Variants in NR2C1 observed in about 807,000 individuals in gnomAD.
The protein encoded by NR2C1 is nuclear receptor subfamily 2 group C member 1.
In NR2C1, 33 loss-of-function variants were observed where a neutral mutation model predicts 74.8. The observed-to-expected ratio is 0.44, with a 90% CI of 0.33 to 0.59. The LOEUF (loss-of-function observed/expected upper bound fraction) is 0.59, where lower values mean the gene tolerates loss of function less well. Among genes scored for constraint, NR2C1 ranks in the 20% least tolerant of loss-of-function variants. NR2C1 has a pLI of 0.02. For synonymous variants in NR2C1, 225 were observed against 240.6 expected (o/e 0.94, Z 0.60); for missense variants, 568 against 715.6 (o/e 0.79, Z 2.35).
At chr12:95,071,342 A>G (rs1876574215) in intron 1 of NR2C1, among the ~76,000 whole-genome samples, 1 of 152,216 alleles carries the variant, frequency 6.6e-6, no homozygotes, top group Non-Finnish European at 1.5e-5. Flanking sequence ...TGTCTGTAAA[A>G]TTTTATCTAA....
intron 1 of NR2C1, among the ~76,000 whole-genome samples, chr12:95,070,142 G>GT (rs753155630): frequency 2.1e-5 from 3 of 142,794 alleles, no homozygotes; most frequent in Non-Finnish European, 4.8e-5. Flanking sequence ...TTTGTTTTTT[G>GT]TTTTTTTGAG....
chr12:95,054,184 T>C (rs572221946), intron 7 of NR2C1, among the ~76,000 whole-genome samples: 2 of 152,340 alleles, frequency 1.3e-5, no homozygotes, highest in East Asian at 3.9e-4. Context: ...TACCTATATA[T>C]GCATTTTATT....
At position 95,049,174 on chromosome 12, in the gene NR2C1, G is replaced by A. The variant is rs1307556242; in HGVS notation, c.1025C>T (p.Ser342Leu). 1 of 1,613,934 alleles carries A rather than the reference G, an allele frequency of 6.2e-7. No homozygotes were observed. Among genetic ancestry groups the A allele is most frequent in the African/African-American group, 1.3e-5 (1 of 74,888 alleles). The part of the protein sequence containing the change: ...NPGESTACQS[S>L]VAGMEGSVHL... ...TACACTTCCTTCCATGCCCGCTACT[G>A]AGCTCTGGCAGGCTGTGCTCTCTCC... Residue 342 changes from serine (S) to leucine (L), a missense_variant, in exon 9 of 14, where the codon TCA becomes TTA. Transcript: ENST00000333003.
At chr12:95,029,231 G>A (rs1869748371) in intron 11 of NR2C1, among the ~76,000 whole-genome samples, 1 of 151,784 alleles carries the variant, frequency 6.6e-6, no homozygotes, top group Non-Finnish European at 1.5e-5. Flanking sequence ...ACAGGTAAGC[G>A]CCACCATGAA....
intron 9 of NR2C1, among the ~76,000 whole-genome samples, chr12:95,044,369 G>A (rs1188836539): frequency 9.2e-5 from 14 of 151,646 alleles, no homozygotes; most frequent in African/African-American, 1.5e-4. Flanking sequence ...CCGGGTTCAA[G>A]CAATTCTCCT....
intron 9 of NR2C1, among the ~76,000 whole-genome samples, chr12:95,041,607 T>C (rs752942146): frequency 8.5e-5 from 13 of 152,200 alleles, no homozygotes; most frequent in Non-Finnish European, 1.6e-4. Context: ...TCTAGTTCTT[T>C]AAAATGTCTG....
chr12:95,071,850 G>T (rs984922861), intron 1 of NR2C1, among the ~76,000 whole-genome samples: 1 of 151,210 alleles, frequency 6.6e-6, no homozygotes, highest in Non-Finnish European at 1.5e-5. Context: ...CCGGGTTCAA[G>T]CAATTCTCCT....
chr12:95,045,372 G>C (rs554186992), intron 9 of NR2C1, among the ~76,000 whole-genome samples: 14 of 152,158 alleles, frequency 9.2e-5, no homozygotes, highest in Non-Finnish European at 1.9e-4. Flanking sequence ...ACTGAAGGCT[G>C]GGCAGAGTGA....
intron 2 of NR2C1, chr12:95,067,060 A>C (rs2136202058): frequency 2.0e-6 from 1 of 488,022 alleles, no homozygotes; most frequent in Non-Finnish European, 3.6e-6. Flanking sequence ...TACTCACTCT[A>C]CAGCTCTTTA....
intron 1 of NR2C1, among the ~76,000 whole-genome samples, chr12:95,069,397 A>G (rs1876234642): frequency 6.6e-6 from 1 of 152,204 alleles, no homozygotes; most frequent in Non-Finnish European, 1.5e-5. Flanking sequence ...ATAACACTGT[A>G]TTTTTACTAC....
intron 9 of NR2C1, among the ~76,000 whole-genome samples, chr12:95,047,113 T>C (rs909051608): frequency 6.6e-6 from 1 of 152,240 alleles, no homozygotes; most frequent in Admixed American, 6.5e-5. Flanking sequence ...AGCACTCTGG[T>C]CCTTTTCCCT....
intron 9 of NR2C1, among the ~76,000 whole-genome samples, chr12:95,045,422 A>G (rs1160597879): frequency 1.3e-5 from 2 of 152,168 alleles, no homozygotes; most frequent in Admixed American, 1.3e-4. Context: ...TGGTACCAGC[A>G]CACAGGACAA....
At chr12:95,058,158 A>G (rs930009023) in intron 5 of NR2C1, 152 bp downstream of exon 5, 8 of 686,782 alleles carry the variant, frequency 1.2e-5, no homozygotes, top group African/African-American at 1.1e-4. Flanking sequence ...AATAAATAAA[A>G]AAGTACATAC....
chr12:95,070,304 G>A (rs917828514), intron 1 of NR2C1, among the ~76,000 whole-genome samples: 1 of 151,902 alleles, frequency 6.6e-6, no homozygotes, highest in African/African-American at 2.4e-5. Flanking sequence ...GGTACTTTTT[G>A]TATTTTTAGT....
intron 10 of NR2C1, among the ~76,000 whole-genome samples, chr12:95,037,482 ACT>A (rs1870990282): frequency 6.6e-6 from 1 of 152,266 alleles, no homozygotes; most frequent in African/African-American, 2.4e-5. Flanking sequence ...TATTTAAGTT[ACT>A]GTTCCCTTCA....
intron 11 of NR2C1, among the ~76,000 whole-genome samples, chr12:95,031,066 C>T (rs747737246): frequency 6.6e-6 from 1 of 152,146 alleles, no homozygotes; most frequent in Non-Finnish European, 1.5e-5. Context: ...TACATAAGCT[C>T]ACCCTGGATT....
Position 95,049,109 on chromosome 12 carries a change from T to A in NR2C1, c.1090A>T (p.Lys364Ter). ...GAATCGCTGAGAAGTGGCCCCTCTT[T>A]TTCGGTGTAATTTATGCTTGAATCT... Reference protein sequence around the residue: ...TGDSSINYTEKEGPLLSDSHV... With the variant: ...TGDSSINYTE Residue 364 changes from lysine (K) to a stop codon, truncating the protein, a stop_gained, in exon 9 of 14, where the codon AAA (lysine) becomes TAA (stop). Transcript: ENST00000333003. LOFTEE classifies it high-confidence loss of function. 6.2e-7 allele frequency: 1 copy of A among 1,614,104 alleles called. No individual in the cohort carries two copies. The highest frequency in any genetic ancestry group is 1.7e-5 in the Admixed American group (1 of 60,002).
At chr12:95,058,852 C>T (rs533765977) in intron 4 of NR2C1, among the ~76,000 whole-genome samples, 1 of 152,036 alleles carries the variant, frequency 6.6e-6, no homozygotes, top group Non-Finnish European at 1.5e-5. Flanking sequence ...TGGTCTTGAA[C>T]TCCTGGCCTC....
chr12:95,056,495 TA>T (rs1372515074), intron 7 of NR2C1, among the ~76,000 whole-genome samples: 1 of 152,130 alleles, frequency 6.6e-6, no homozygotes, highest in African/African-American at 2.4e-5. Context: ...CTTGGATACA[TA>T]AAAGGAGAGC....
Sources: gnomAD v4.1 joint callset for allele counts (sites outside exome capture counted in the v4.1 genomes callset) on GRCh38, gnomAD v4.1.1 for gene constraint, MANE v1.5 for transcripts, NCBI Gene and HGNC (gene_info 2026-07-23, HGNC 2026-07-21) for gene names.